Variants in MALRD1 observed in about 807,000 individuals in gnomAD.
MALRD1 encodes MAM and LDL receptor class A domain containing 1.
In MALRD1, 247 loss-of-function variants were observed where a neutral mutation model predicts 242.1. The ratio of observed to expected loss-of-function variants is 1.02; its 90% confidence interval spans 0.92 to 1.13. MALRD1 has a LOEUF of 1.13. MALRD1 is among the 50% of genes most tolerant of loss of function. MALRD1 has a pLI of 0.00. For synonymous variants in MALRD1, 995 were observed against 866.6 expected (o/e 1.15, Z -2.60); for missense variants, 2,989 against 2,533.1 (o/e 1.18, Z -3.86).
intron 30 of MALRD1, among the ~76,000 whole-genome samples, chr10:19,496,539 C>G (rs1331383725): frequency 1.3e-5 from 2 of 152,140 alleles, no homozygotes; most frequent in Non-Finnish European, 2.9e-5. Context: ...ATCAGAATCT[C>G]TGGGACACAG....
At chr10:19,537,285 A>C (rs549462070) in intron 32 of MALRD1, among the ~76,000 whole-genome samples, 2 of 152,264 alleles carry the variant, frequency 1.3e-5, no homozygotes, top group African/African-American at 2.4e-5. Flanking sequence ...GGGTAGGAGG[A>C]GGCCAAAGTG....
chr10:19,098,831 A>G (rs1836140595), intron 4 of MALRD1, among the ~76,000 whole-genome samples: 1 of 152,128 alleles, frequency 6.6e-6, no homozygotes, highest in Non-Finnish European at 1.5e-5. Flanking sequence ...GGGGTCCTGA[A>G]TGGGTTTCCA....
At chr10:19,643,479 CTG>C (rs965368344) in intron 36 of MALRD1, among the ~76,000 whole-genome samples, 15 of 152,028 alleles carry the variant, frequency 9.9e-5, no homozygotes, top group African/African-American at 3.4e-4. Context: ...ATGAATAAGA[CTG>C]TGTTTATTAT....
At chr10:19,323,229 G>A (rs1253315512) in intron 21 of MALRD1, among the ~76,000 whole-genome samples, 1 of 151,968 alleles carries the variant, frequency 6.6e-6, no homozygotes, top group African/African-American at 2.4e-5. Context: ...AGCCCAGACC[G>A]GTTTCCTGTT....
chr10:19,643,326 A>G (rs1840485591), intron 36 of MALRD1, among the ~76,000 whole-genome samples: 1 of 152,038 alleles, frequency 6.6e-6, no homozygotes, highest in East Asian at 1.9e-4. Flanking sequence ...GGTGCCTGTA[A>G]TCCCAACTAC....
rs190233331 is a variant in MALRD1, at chr10:19,641,903, T to C, written c.6137+25980T>C. 5.7e-3 allele frequency among the ~76,000 whole-genome samples: 875 copies of C among 152,250 alleles called. 4 individuals carry two copies. Among genetic ancestry groups the C allele is most frequent in the Middle Eastern group, 0.01 (3 of 294 alleles). On this transcript the variant is annotated intron_variant, in intron 36 of 39. Transcript: ENST00000454679. The stretch of plus-strand genomic sequence containing the variant: ...GGTGTTACAACCCACAGATCTAAAC[T>C]CTGTCCTTTTATTATTGGCAATAAC...
intron 29 of MALRD1, among the ~76,000 whole-genome samples, chr10:19,482,494 G>A (rs928037086): frequency 1.3e-5 from 2 of 151,860 alleles, no homozygotes; most frequent in Non-Finnish European, 2.9e-5. Flanking sequence ...ATCTCTCTTC[G>A]CTTATGATAG....
intron 28 of MALRD1, among the ~76,000 whole-genome samples, chr10:19,411,877 T>C (rs1833288775): frequency 6.6e-6 from 1 of 152,242 alleles, no homozygotes; most frequent in Non-Finnish European, 1.5e-5. Context: ...CAAAACTTTC[T>C]GATTAAATGT....
chr10:19,066,810 G>T lies in MALRD1; in HGVS notation c.291G>T (p.Gly97=). ...AACCTAGTTGGACAAAGAGAAGTGG[G>T]ATGATTGGTCTATCACCTCCATTTT... ...SLQPSWTKRS[G]MIGLSPPFYD... Residue 97 remains glycine (G), a synonymous_variant, in exon 2 of 40, where the codon GGG becomes GGT. Transcript: ENST00000454679. 1 of 1,233,700 alleles carries T rather than the reference G, an allele frequency of 8.1e-7. No individual in the cohort carries two copies. Among genetic ancestry groups the T allele is most frequent in the Non-Finnish European group, 1.0e-6 (1 of 988,062 alleles). The allele number at this position is 1,233,700 out of a possible 1,614,324, so 76.4% of individuals were successfully genotyped here.
intron 7 of MALRD1, among the ~76,000 whole-genome samples, chr10:19,125,317 CCTTCCTTCTTTCTTT>C (rs1837230709): frequency 1.3e-5 from 1 of 77,910 alleles, no homozygotes; most frequent in African/African-American, 5.6e-5. Flanking sequence ...TTCCTTCCTT[CCTTCCTTCTTTCTTT>C]CTTTCTTTCT....
chr10:19,728,125 A>T (rs956036548), intron 38 of MALRD1, among the ~76,000 whole-genome samples: 4 of 152,158 alleles, frequency 2.6e-5, no homozygotes, highest in Non-Finnish European at 5.9e-5. Flanking sequence ...GAAAAATAAA[A>T]GCAATTTGAG....
chr10:19,049,336 A>T (rs1834418271), intron 1 of MALRD1, among the ~76,000 whole-genome samples, 199 bp downstream of exon 1: 1 of 152,162 alleles, frequency 6.6e-6, no homozygotes, highest in Admixed American at 6.5e-5. Context: ...AATCATGAAG[A>T]TATTCACCTG....
chr10:19,684,348 T>C (rs959965685), intron 36 of MALRD1, among the ~76,000 whole-genome samples: 15 of 152,172 alleles, frequency 9.9e-5, no homozygotes, highest in African/African-American at 3.6e-4. Flanking sequence ...ACATAACAAG[T>C]GCTCAATAAA....
intron 36 of MALRD1, among the ~76,000 whole-genome samples, chr10:19,659,518 T>C (rs1407214354): frequency 6.6e-6 from 1 of 152,126 alleles, no homozygotes; most frequent in Non-Finnish European, 1.5e-5. Flanking sequence ...TAAATTTTAT[T>C]TTAAATTTTA....
chr10:19,417,546 T>C (rs1284640692), intron 28 of MALRD1, among the ~76,000 whole-genome samples: 3 of 152,198 alleles, frequency 2.0e-5, no homozygotes, highest in Non-Finnish European at 4.4e-5. Flanking sequence ...GAAATAAATT[T>C]GTTGCACAGC....
intron 31 of MALRD1, among the ~76,000 whole-genome samples, chr10:19,509,930 C>A (rs1023020784): frequency 6.8e-6 from 1 of 146,016 alleles, no homozygotes; most frequent in East Asian, 2.0e-4. Flanking sequence ...AGGGGACCGG[C>A]GCTCAGCATA....
intron 5 of MALRD1, among the ~76,000 whole-genome samples, chr10:19,120,282 G>C (rs748731486): frequency 6.6e-6 from 1 of 152,020 alleles, no homozygotes; most frequent in Non-Finnish European, 1.5e-5. Context: ...GCAAAAGCCT[G>C]GTGAAGAAAA....
In MALRD1 at chr10:19,371,242, C is replaced by G. The variant is rs558548681; in HGVS notation, c.4442-16286C>G. On this transcript the variant is annotated intron_variant, in intron 26 of 39. Coordinates refer to ENST00000454679, the MANE Select transcript of MALRD1 (RefSeq NM_001142308.3). ...TTAGCCTGGGCAACCCAGTGAGACC[C>G]TGTCTCTTAAAAAACAAAAGAAAAG... 2.0e-5 allele frequency among the ~76,000 whole-genome samples: 3 copies of G among 152,118 alleles called. No individual in the cohort carries two copies. In the East Asian group the frequency reaches 5.8e-4, roughly 29 times the overall value.
At chr10:19,346,319 G>T (rs1187021835) in intron 24 of MALRD1, among the ~76,000 whole-genome samples, 2 of 152,116 alleles carry the variant, frequency 1.3e-5, no homozygotes, top group African/African-American at 4.8e-5. Flanking sequence ...TAGCATCTGT[G>T]GGGTTATCTG....
Sources: allele counts gnomAD v4.1 joint callset (sites outside exome capture counted in the v4.1 genomes callset), GRCh38; gene constraint gnomAD v4.1.1; transcripts MANE v1.5; gene names NCBI Gene and HGNC (gene_info 2026-07-23, HGNC 2026-07-21).